The following SLC61A1 variants were observed in gnomAD, a reference collection of about 807,000 sequenced individuals.
SLC61A1 encodes the protein solute carrier family 61 member 1, also known as major facilitator superfamily domain containing 5.
the SLC61A1 span, chr12:53,254,119 C>T: frequency 1.2e-5 from 19 of 1,614,034 alleles, no homozygotes; most frequent in African/African-American, 1.1e-4. Context: ...GACTCTTCAC[C>T]GTGGTAAGGC....
the SLC61A1 span, chr12:53,252,141 C>G: frequency 7.0e-7 from 1 of 1,438,324 alleles, no homozygotes; most frequent in Non-Finnish European, 9.1e-7. Context: ...GCCCGGCTCC[C>G]GGAAGCAGGC....
At chr12:53,253,046 T>C in the SLC61A1 span, 2 of 1,614,256 alleles carry the variant, frequency 1.2e-6, 1 homozygote, top group South Asian at 2.2e-5. Context: ...CCAGCATTAC[T>C]ACTTCCTGGA....
At chr12:53,251,774 C>A in the SLC61A1 span, 2 of 1,537,228 alleles carry the variant, frequency 1.3e-6, no homozygotes, top group African/African-American at 1.4e-5. Flanking sequence ...ACCAAGGAGA[C>A]CTTCTCGGCT....
chr12:53,254,007 T>C, the SLC61A1 span: 1 of 1,614,186 alleles, frequency 6.2e-7, no homozygotes. Context: ...CTGGCTTGCC[T>C]AGGGCTCCTT....
chr12:53,253,775 C>G, the SLC61A1 span: 2 of 1,614,074 alleles, frequency 1.2e-6, no homozygotes, highest in Non-Finnish European at 1.7e-6. Flanking sequence ...GCCCATGCAC[C>G]TGCTGTCCCT....
chr12:53,253,900 A>G, the SLC61A1 span: 4 of 1,614,006 alleles, frequency 2.5e-6, no homozygotes, highest in Non-Finnish European at 3.4e-6. Context: ...TGGCTTGTGG[A>G]TTATACTTTC....
the SLC61A1 span, chr12:53,253,569 C>T: frequency 1.3e-5 from 21 of 1,613,866 alleles, no homozygotes; most frequent in African/African-American, 1.6e-4. Flanking sequence ...TGCCTCCTGT[C>T]GGACCGCCGC....
chr12:53,252,839 C>T, the SLC61A1 span: 4 of 1,613,774 alleles, frequency 2.5e-6, no homozygotes, highest in South Asian at 3.3e-5. Flanking sequence ...GCCCACCATG[C>T]TGGTGACTGC....
chr12:53,252,825 G>C, the SLC61A1 span: 4 of 1,612,944 alleles, frequency 2.5e-6, no homozygotes, highest in Non-Finnish European at 3.4e-6. Context: ...CAGGTCGTCC[G>C]GGGGCCCACC....
chr12:53,252,543 G>A, the SLC61A1 span: 2 of 1,372,288 alleles, frequency 1.5e-6, no homozygotes, highest in Non-Finnish European at 1.9e-6. Context: ...TTGCGGGAGC[G>A]GGATTATTGA....
the SLC61A1 span, chr12:53,254,322 G>C: frequency 1.9e-6 from 2 of 1,072,172 alleles, no homozygotes; most frequent in Non-Finnish European, 2.7e-6. Flanking sequence ...GGGAGGACAT[G>C]ATGGGGGTGA....
chr12:53,251,665 G>GC, the SLC61A1 span: 1 of 1,458,416 alleles, frequency 6.9e-7, no homozygotes. Context: ...TCTGTCTGCA[G>GC]CCCGACTCCA....
chr12:53,252,155 G>C, the SLC61A1 span: 1 of 1,434,302 alleles, frequency 7.0e-7, no homozygotes, highest in Non-Finnish European at 9.1e-7. Context: ...AGCAGGCTGT[G>C]AGGGGCGGGA....
At chr12:53,253,189 C>T in the SLC61A1 span, 1 of 1,614,286 alleles carries the variant, frequency 6.2e-7, no homozygotes. Context: ...ACTCACTATG[C>T]TGCTTAACCA....
the SLC61A1 span, chr12:53,251,669 G>A: frequency 2.7e-6 from 4 of 1,463,464 alleles, no homozygotes; most frequent in South Asian, 1.4e-5. Context: ...TCTGCAGCCC[G>A]ACTCCAAGTT....
At chr12:53,253,087 C>T in the SLC61A1 span, 4 of 1,614,264 alleles carry the variant, frequency 2.5e-6, no homozygotes, top group African/African-American at 1.3e-5. Flanking sequence ...ATGTCTGTGG[C>T]CTTGCCTCTA....
the SLC61A1 span, chr12:53,254,197 C>A: frequency 3.1e-6 from 5 of 1,611,392 alleles, no homozygotes; most frequent in Non-Finnish European, 4.2e-6. Flanking sequence ...AACCCCACTC[C>A]AGGACAAGAT....
At chr12:53,251,409 G>A in the SLC61A1 span, 2 of 293,904 alleles carry the variant, frequency 6.8e-6, no homozygotes, top group African/African-American at 4.3e-5. Flanking sequence ...GGCTCTTGAG[G>A]AGATGATACG....
At chr12:53,253,817 A>G in the SLC61A1 span, 1 of 1,613,782 alleles carries the variant, frequency 6.2e-7, no homozygotes, top group Non-Finnish European at 8.5e-7. Flanking sequence ...CTCTCTCTTC[A>G]TGTTGACTTT....
Sources: allele counts gnomAD v4.1 joint callset, GRCh38; gene constraint gnomAD v4.1.1; transcripts MANE v1.5; gene names NCBI Gene and HGNC (gene_info 2026-07-23, HGNC 2026-07-21).